The following TENM1 variants were observed in gnomAD, a reference collection of about 807,000 sequenced individuals.
The protein encoded by TENM1 is teneurin transmembrane protein 1.
TENM1 carries 35 observed loss-of-function variants against 174.8 expected under a neutral mutation model. The observed-to-expected ratio is 0.20, with a 90% CI of 0.15 to 0.27. The LOEUF is 0.27. TENM1 is among the 10% of genes least tolerant of loss of function. TENM1 has a pLI of 1.00. For missense variants in TENM1, 1,633 were observed against 2,130.1 expected (o/e 0.77, Z 4.59); for synonymous variants, 781 against 798.7 (o/e 0.98, Z 0.37).
At chrX:124,387,372 G>A (rs772064373) in intron 28 of TENM1, among the ~76,000 whole-genome samples, 1 of 111,402 alleles carries the variant, frequency 9.0e-6, no homozygotes, top group Non-Finnish European at 1.9e-5. Context: ...TGACTGACAT[G>A]TGCATCTCAT....
At chrX:124,764,571 C>A (rs993846357) in intron 3 of TENM1, among the ~76,000 whole-genome samples, 6 of 110,455 alleles carry the variant, frequency 5.4e-5, no homozygotes, top group Non-Finnish European at 1.1e-4. Context: ...TAGTGCCATG[C>A]CTCACTAGAT....
the TENM1 span, among the ~76,000 whole-genome samples, chrX:125,057,292 G>A: frequency 9.0e-6 from 1 of 110,557 alleles, no homozygotes; most frequent in African/African-American, 3.3e-5. Context: ...AAGTGACCGG[G>A]GTGGGCAGGA....
At chrX:125,067,842 CT>C in the TENM1 span, among the ~76,000 whole-genome samples, 1 of 112,066 alleles carries the variant, frequency 8.9e-6, no homozygotes. Flanking sequence ...TCATCTTTCC[CT>C]TCTTTTTTTG....
chrX:125,010,969 T>C, the TENM1 span, among the ~76,000 whole-genome samples: 1 of 111,527 alleles, frequency 9.0e-6, no homozygotes, highest in Non-Finnish European at 1.9e-5. Flanking sequence ...AGCATGGTAC[T>C]GGTACCCAAA....
chrX:124,683,149 T>G (rs1010261148), intron 5 of TENM1, among the ~76,000 whole-genome samples: 25 of 111,977 alleles, frequency 2.2e-4, no homozygotes, highest in African/African-American at 7.5e-4. Context: ...AAAGGATATT[T>G]TGGAAAGAAC....
At chrX:124,652,336 A>T (rs1320227383) in intron 7 of TENM1, among the ~76,000 whole-genome samples, 1 of 111,384 alleles carries the variant, frequency 9.0e-6, no homozygotes, top group Non-Finnish European at 1.9e-5. Context: ...GGACAGGAAG[A>T]TCACTTGAGC....
At chrX:124,573,920 A>G (rs1015829527) in intron 11 of TENM1, among the ~76,000 whole-genome samples, 1 of 112,230 alleles carries the variant, frequency 8.9e-6, no homozygotes, top group African/African-American at 3.2e-5. Context: ...TAATTTATAA[A>G]CAAGATAGAA....
chrX:124,536,358 A>G, intron 15 of TENM1, among the ~76,000 whole-genome samples: 1 of 111,766 alleles, frequency 8.9e-6, no homozygotes, highest in East Asian at 2.8e-4. Context: ...TCAGTTGGTC[A>G]CTGCCCCAAA....
Position 124,527,705 on chromosome X carries a change from G to A in TENM1, c.2771+2159C>T, listed in dbSNP as rs188167889. On this transcript the variant is annotated intron_variant, in intron 16 of 31. Coordinates refer to ENST00000422452, the Ensembl canonical transcript of TENM1. ...GCTTTGTTGCCCAGGCTGGAGTAACGTGGCGCGATCTCGGCTCACTGCAAC... is the reference window on the plus strand; with the variant it reads ...GCTTTGTTGCCCAGGCTGGAGTAACATGGCGCGATCTCGGCTCACTGCAAC... Among the ~76,000 whole-genome samples, 992 of 99,330 alleles carry A rather than the reference G, an allele frequency of 1.0e-2. 15 individuals are homozygous for A. The highest frequency in any genetic ancestry group is 0.034 in the African/African-American group (912 of 26,698). The allele number at this position is 99,330 out of a possible 115,157, so 86.3% of individuals were successfully genotyped here.
chrX:124,823,214 A>G (rs956219920), intron 3 of TENM1, among the ~76,000 whole-genome samples: 5 of 112,232 alleles, frequency 4.5e-5, no homozygotes, highest in African/African-American at 1.6e-4. Context: ...TATATTTGGT[A>G]CTAAAGGGCA....
At chrX:125,067,577 C>T in the TENM1 span, among the ~76,000 whole-genome samples, 1 of 111,877 alleles carries the variant, frequency 8.9e-6, no homozygotes, top group East Asian at 2.8e-4. Flanking sequence ...TCTCACTTAT[C>T]TGGGCTTTCA....
intron 1 of TENM1, among the ~76,000 whole-genome samples, chrX:124,947,835 G>A (rs2058424938): frequency 9.0e-6 from 1 of 111,550 alleles, no homozygotes; most frequent in African/African-American, 3.3e-5. Context: ...CTTTTTATGA[G>A]CTACCAATTC....
intron 4 of TENM1, among the ~76,000 whole-genome samples, chrX:124,733,135 C>T (rs1211033547): frequency 9.0e-6 from 1 of 111,613 alleles, no homozygotes; most frequent in Non-Finnish European, 1.9e-5. Flanking sequence ...ATGTGAGGAA[C>T]AGGTTGAAGG....
the TENM1 span, among the ~76,000 whole-genome samples, chrX:125,016,103 A>G: frequency 9.0e-6 from 1 of 111,416 alleles, no homozygotes; most frequent in Non-Finnish European, 1.9e-5. Context: ...TCTCTTGAAA[A>G]TTCCATTTGT....
chrX:124,742,106 C>T (rs947129427), intron 3 of TENM1, among the ~76,000 whole-genome samples: 1 of 111,801 alleles, frequency 8.9e-6, no homozygotes, highest in Non-Finnish European at 1.9e-5. Flanking sequence ...ACATGGCTAG[C>T]TTTTCTGAAA....
At chrX:124,409,186 G>A (rs989984969) in intron 25 of TENM1, among the ~76,000 whole-genome samples, 17 of 110,654 alleles carry the variant, frequency 1.5e-4, no homozygotes, top group African/African-American at 4.9e-4. Context: ...TATATACCCA[G>A]TAATGGGATG....
intron 6 of TENM1, among the ~76,000 whole-genome samples, chrX:124,666,614 C>A (rs1381501955): frequency 9.0e-6 from 1 of 111,520 alleles, no homozygotes; most frequent in African/African-American, 3.3e-5. Flanking sequence ...CTAAGACTCA[C>A]CTATAATTCC....
chrX:124,738,935 C>T, intron 3 of TENM1, among the ~76,000 whole-genome samples: 1 of 112,513 alleles, frequency 8.9e-6, no homozygotes, highest in East Asian at 2.8e-4. Context: ...CCCTGTATTG[C>T]AGATCTCTGT....
At chrX:124,887,159 G>T (rs1461328844) in intron 3 of TENM1, among the ~76,000 whole-genome samples, 1 of 110,694 alleles carries the variant, frequency 9.0e-6, no homozygotes, top group Admixed American at 9.7e-5. Context: ...TGTGTACAAG[G>T]ATATTAAGTG....
Sources: allele counts gnomAD v4.1 joint callset (sites outside exome capture counted in the v4.1 genomes callset), GRCh38; gene constraint gnomAD v4.1.1; transcripts MANE v1.5; gene names NCBI Gene and HGNC (gene_info 2026-07-23, HGNC 2026-07-21).